Variants in TPP2 observed in about 807,000 individuals in gnomAD.
The protein encoded by TPP2 is tripeptidyl-peptidase 2.
In TPP2, 34 loss-of-function variants were observed where a neutral mutation model predicts 155.9. That is an observed-to-expected ratio of 0.22 (90% CI 0.17 to 0.29). The LOEUF is 0.29. Ranked by LOEUF, TPP2 falls within the 10% of genes least tolerant of loss-of-function variation. TPP2 has a pLI of 1.00. For synonymous variants in TPP2, 510 were observed against 529.4 expected, an observed-to-expected ratio of 0.96 and a Z score of 0.50; for missense variants, 1,028 against 1,522.3, an observed-to-expected ratio of 0.68 and a Z score of 5.40.
chr13:102,637,497 T>C (rs1284883276), intron 14 of TPP2, among the ~76,000 whole-genome samples: 2 of 152,322 alleles, frequency 1.3e-5, no homozygotes, highest in East Asian at 3.9e-4. Context: ...TAGATCTCCC[T>C]CTAACTGGTG....
Position 102,674,310 on chromosome 13 carries a change from C to T in TPP2, c.3399C>T (p.Leu1133=), listed in dbSNP as rs777074145. ...KNDMDKQKST[L]VDALCRKGCA... ...ACATGGACAAACAAAAATCCACCCT[C>T]GTAGATGCCCTTTGTAGGAAAGGTT... The change falls in exon 28 of 30, where the codon CTC becomes CTT. Residue 1133 remains leucine (L), a synonymous_variant. Transcript: ENST00000376052. 9.9e-6 allele frequency: 16 copies of T among 1,613,552 alleles called. No individual in the cohort carries two copies. The highest frequency in any genetic ancestry group is 1.7e-5 in the Admixed American group (1 of 59,982).
chr13:102,602,043 T>C (rs886851648), intron 1 of TPP2, among the ~76,000 whole-genome samples: 5 of 152,212 alleles, frequency 3.3e-5, no homozygotes, highest in Non-Finnish European at 7.3e-5. Context: ...TTGTTAGTGC[T>C]CTCTTGTTAT....
chr13:102,659,393 G>C (rs911553780), intron 25 of TPP2, among the ~76,000 whole-genome samples: 1 of 152,044 alleles, frequency 6.6e-6, no homozygotes, highest in African/African-American at 2.4e-5. Context: ...TAAATGCAAA[G>C]AAATCCACAA....
chr13:102,621,829 G>A (rs555332661), intron 5 of TPP2, among the ~76,000 whole-genome samples: 70 of 152,276 alleles, frequency 4.6e-4, no homozygotes, highest in African/African-American at 1.6e-3. Flanking sequence ...GATGCTGGCC[G>A]ATTGCATAAA....
At chr13:102,610,706 G>C (rs1296650825) in intron 2 of TPP2, among the ~76,000 whole-genome samples, 1 of 152,168 alleles carries the variant, frequency 6.6e-6, no homozygotes, top group African/African-American at 2.4e-5. Context: ...TGAGAAACCA[G>C]TGGTAAGCTA....
chr13:102,610,447 C>T (rs1213513248), intron 2 of TPP2, among the ~76,000 whole-genome samples: 1 of 152,166 alleles, frequency 6.6e-6, no homozygotes, highest in East Asian at 1.9e-4. Context: ...CTAGGCAGGT[C>T]TCGAACTCCT....
intron 24 of TPP2, among the ~76,000 whole-genome samples, chr13:102,653,432 C>T (rs1883646705): frequency 6.6e-6 from 1 of 152,098 alleles, no homozygotes; most frequent in African/African-American, 2.4e-5. Context: ...TCACTCTACA[C>T]TCCAGGCTAG....
intron 24 of TPP2, 145 bp downstream of exon 24, chr13:102,651,542 T>A: frequency 2.7e-6 from 2 of 749,612 alleles, no homozygotes; most frequent in Non-Finnish European, 4.0e-6. Context: ...CTCTTAGCTG[T>A]ACTTAGAAGC....
chr13:102,660,957 G>A (rs1224230668), intron 25 of TPP2, among the ~76,000 whole-genome samples: 1 of 152,098 alleles, frequency 6.6e-6, no homozygotes, highest in Non-Finnish European at 1.5e-5. Context: ...AATGAAGTTG[G>A]ACCCTTGCCT....
Position 102,635,709 on chromosome 13 carries a change from T to G in TPP2, c.1509+7T>G. The G allele has an allele frequency of 6.3e-7, 1 of 1,598,384 alleles. No individual in the cohort carries two copies. The highest frequency in any genetic ancestry group is 8.6e-7 in the Non-Finnish European group (1 of 1,168,000). On this transcript the variant is annotated splice_region_variant and intron_variant, in intron 12 of 29. Coordinates refer to ENST00000376052, the MANE Select transcript of TPP2 (RefSeq NM_001330588.2). The stretch of plus-strand genomic sequence containing the variant: ...AGGACATGGTATTATTCAGGTATTG[T>G]TGCCTATATGAAAAATGGGTTGTAA...
intron 27 of TPP2, 51 bp downstream of exon 27, chr13:102,664,976 G>C (rs1338649938): frequency 1.3e-6 from 2 of 1,597,068 alleles, no homozygotes; most frequent in East Asian, 2.2e-5. Context: ...TAGTTAACTT[G>C]TTTAAAAAGT....
At chr13:102,608,377 A>T (rs1200317591) in intron 2 of TPP2, among the ~76,000 whole-genome samples, 1 of 151,420 alleles carries the variant, frequency 6.6e-6, no homozygotes, top group Non-Finnish European at 1.5e-5. Flanking sequence ...ATTTCCAAGA[A>T]TTTTTTTTGC....
At chr13:102,665,023 G>T in intron 27 of TPP2, 98 bp downstream of exon 27, 1 of 1,401,982 alleles carries the variant, frequency 7.1e-7, no homozygotes. Flanking sequence ...CTTTTCTGAT[G>T]TTTGTTATAT....
At chr13:102,649,603 A>G (rs1883359298) in intron 23 of TPP2, 117 bp downstream of exon 23, 2 of 839,610 alleles carry the variant, frequency 2.4e-6, no homozygotes, top group African/African-American at 3.5e-5. Context: ...TCTTGGGGAA[A>G]AAAATTTAAT....
chr13:102,599,255 A>G (rs762401174), intron 1 of TPP2, among the ~76,000 whole-genome samples: 1 of 152,240 alleles, frequency 6.6e-6, no homozygotes, highest in Non-Finnish European at 1.5e-5. Flanking sequence ...TTTGCATGTA[A>G]TAAATATTCA....
chr13:102,623,373 G>A (rs888277662), intron 6 of TPP2, among the ~76,000 whole-genome samples: 1 of 152,180 alleles, frequency 6.6e-6, no homozygotes, highest in Non-Finnish European at 1.5e-5. Context: ...AGACCAGCCT[G>A]ACCAACATGG....
intron 15 of TPP2, among the ~76,000 whole-genome samples, chr13:102,639,233 C>G (rs150139811): frequency 6.8e-4 from 104 of 152,216 alleles, no homozygotes; most frequent in Middle Eastern, 3.4e-3. Context: ...AATAAATTAT[C>G]TAGTGGATGA....
intron 1 of TPP2, 133 bp downstream of exon 1, chr13:102,597,336 G>A (rs966590270): frequency 2.3e-4 from 110 of 481,198 alleles, no homozygotes; most frequent in Non-Finnish European, 3.2e-4. Context: ...GCAGCACCGG[G>A]GTGGGCAGAG....
rs1024242356 is a variant in TPP2 at position 102,648,759 on chromosome 13, A to G, written c.2629-148A>G. ...GCGTACTAGGGACTTTATGTGTTAT[A>G]TGAACGTCTGGATAGTTAGTTCCTT... On this transcript the variant is annotated intron_variant, in intron 21 of 29. Transcript: ENST00000376052. 2.8e-6 allele frequency: 3 copies of G among 1,072,264 alleles called. No individual in the cohort carries two copies. In the African/African-American group the frequency reaches 4.8e-5, roughly 17 times the overall value. 66.4% of individuals were successfully genotyped at this position (1,072,264 alleles called of 1,614,324 possible). A position where few individuals can be genotyped will look rare whatever the true frequency, so the allele number is the denominator to read the frequency against.
Sources: gnomAD v4.1 joint callset for allele counts (sites outside exome capture counted in the v4.1 genomes callset) on GRCh38, gnomAD v4.1.1 for gene constraint, MANE v1.5 for transcripts, NCBI Gene and HGNC (gene_info 2026-07-23, HGNC 2026-07-21) for gene names.